The following NXPE2 variants were observed in gnomAD, a reference collection of about 807,000 sequenced individuals.
The protein encoded by NXPE2 is neurexophilin and PC-esterase domain family member 2.
A neutral mutation model predicts 34.4 loss-of-function variants in NXPE2; 34 were observed. The ratio of observed to expected loss-of-function variants is 0.99; its 90% confidence interval spans 0.75 to 1.31. The LOEUF is 1.31. NXPE2 is among the 40% of genes most tolerant of loss of function. The probability of loss-of-function intolerance (pLI) is 0.00; values close to 1 mark genes in which losing one functional copy is unlikely to be tolerated. For missense variants in NXPE2, 649 were observed against 672.5 expected (o/e 0.97, Z 0.39); for synonymous variants, 235 against 231.3 (o/e 1.02, Z -0.15).
At chr11:114,543,228 C>G in the NXPE2 span, among the ~76,000 whole-genome samples, 3,719 of 152,142 alleles carry the variant, frequency 0.024, 75 homozygotes, top group South Asian at 0.043. Flanking sequence ...TGGTGGCGGG[C>G]AGCTGTAATC....
At chr11:114,629,514 C>T in the NXPE2 span, among the ~76,000 whole-genome samples, 2 of 151,424 alleles carry the variant, frequency 1.3e-5, no homozygotes, top group South Asian at 2.1e-4. Context: ...ATTGATGGGA[C>T]ATATCTCAAA....
At chr11:114,475,281 T>TGCAGTAGTG in the NXPE2 span, among the ~76,000 whole-genome samples, 9 of 134,896 alleles carry the variant, frequency 6.7e-5, no homozygotes, top group African/African-American at 2.5e-4. Flanking sequence ...TCTCGCTCTG[T>TGCAGTAGTG]CGCCCAGGCT....
intron 2 of NXPE2, among the ~76,000 whole-genome samples, chr11:114,682,622 G>T (rs115178929): frequency 6.6e-6 from 1 of 152,106 alleles, no homozygotes; most frequent in Non-Finnish European, 1.5e-5. Context: ...AAGTAATAAC[G>T]TTAATTAAAA....
At chr11:114,533,869 G>C in the NXPE2 span, among the ~76,000 whole-genome samples, 1 of 152,214 alleles carries the variant, frequency 6.6e-6, no homozygotes, top group African/African-American at 2.4e-5. Flanking sequence ...GCAGGGCACA[G>C]ACAAACAAAA....
the NXPE2 span, among the ~76,000 whole-genome samples, chr11:114,657,033 G>T: frequency 8.7e-3 from 1,325 of 152,310 alleles, 19 homozygotes; most frequent in African/African-American, 0.031. Context: ...GGCAGAGCTT[G>T]CAGTGAGCTG....
the NXPE2 span, among the ~76,000 whole-genome samples, chr11:114,633,009 ATT>A: frequency 4.7e-5 from 5 of 106,392 alleles, no homozygotes; most frequent in Admixed American, 2.8e-4. Context: ...AATAATATAT[ATT>A]ATATAATATA....
the NXPE2 span, among the ~76,000 whole-genome samples, chr11:114,533,422 G>A: frequency 6.6e-6 from 1 of 152,190 alleles, no homozygotes; most frequent in Non-Finnish European, 1.5e-5. Flanking sequence ...CTCATGGGGA[G>A]TGCCGGACAG....
At chr11:114,484,658 C>A in the NXPE2 span, among the ~76,000 whole-genome samples, 1 of 152,132 alleles carries the variant, frequency 6.6e-6, no homozygotes, top group African/African-American at 2.4e-5. Context: ...TCTGTTTCTG[C>A]GGGCTAGAAT....
At chr11:114,771,836 C>A in the NXPE2 span, among the ~76,000 whole-genome samples, 2 of 152,238 alleles carry the variant, frequency 1.3e-5, no homozygotes, top group Non-Finnish European at 2.9e-5. Flanking sequence ...ACCATTCAGT[C>A]CCCAAAGGTC....
At chr11:114,656,269 GA>G in the NXPE2 span, among the ~76,000 whole-genome samples, 7 of 152,080 alleles carry the variant, frequency 4.6e-5, no homozygotes, top group African/African-American at 1.7e-4. Context: ...ACTACTCAAG[GA>G]AATAAGGGAG....
At chr11:114,592,548 A>C in the NXPE2 span, among the ~76,000 whole-genome samples, 2 of 151,706 alleles carry the variant, frequency 1.3e-5, no homozygotes, top group South Asian at 2.1e-4. Context: ...CACACACACA[A>C]AATAGATATT....
At chr11:114,641,729 A>T in the NXPE2 span, among the ~76,000 whole-genome samples, 1 of 152,150 alleles carries the variant, frequency 6.6e-6, no homozygotes, top group Non-Finnish European at 1.5e-5. Flanking sequence ...CTCTTAGAGC[A>T]CACTGAAAGT....
At chr11:114,498,446 CTG>C in the NXPE2 span, among the ~76,000 whole-genome samples, 1 of 151,956 alleles carries the variant, frequency 6.6e-6, no homozygotes, top group South Asian at 2.1e-4. Flanking sequence ...TATTATGTAT[CTG>C]TAATAATTAA....
the NXPE2 span, among the ~76,000 whole-genome samples, chr11:114,544,759 G>T: frequency 2.3e-3 from 357 of 152,256 alleles, 16 homozygotes; most frequent in East Asian, 0.055. Flanking sequence ...CCCTGTGAAA[G>T]ACACTGTTAA....
chr11:114,665,013 T>C, the NXPE2 span, among the ~76,000 whole-genome samples: 5 of 152,216 alleles, frequency 3.3e-5, no homozygotes, highest in Admixed American at 2.6e-4. Context: ...CAACTTATGA[T>C]GGGTTTAATG....
the NXPE2 span, among the ~76,000 whole-genome samples, chr11:114,611,715 C>A: frequency 6.6e-6 from 1 of 150,800 alleles, no homozygotes; most frequent in African/African-American, 2.4e-5. Flanking sequence ...GTTAGTATTG[C>A]CTTGTGGGTC....
the NXPE2 span, among the ~76,000 whole-genome samples, chr11:114,511,494 C>A: frequency 1.2e-3 from 184 of 152,294 alleles, no homozygotes; most frequent in African/African-American, 4.2e-3. Context: ...GCTGTCTCAG[C>A]CCTGGATTGC....
chr11:114,563,519 GCAGA>G, the NXPE2 span, among the ~76,000 whole-genome samples: 12 of 152,126 alleles, frequency 7.9e-5, no homozygotes, highest in Admixed American at 7.9e-4. Context: ...GAAATAATCA[GCAGA>G]GTTAACAGAC....
At chr11:114,673,572 T>C (rs1050184933), upstream of NXPE2, among the ~76,000 whole-genome samples, 5 of 151,720 alleles carry the variant, frequency 3.3e-5, no homozygotes, top group Admixed American at 6.6e-5. Context: ...GACAAACCTG[T>C]AGCTAGAATA....
Sources: gnomAD v4.1 joint callset for allele counts (sites outside exome capture counted in the v4.1 genomes callset) on GRCh38, gnomAD v4.1.1 for gene constraint, MANE v1.5 for transcripts, NCBI Gene and HGNC (gene_info 2026-07-23, HGNC 2026-07-21) for gene names.